WDFY3: variants seen among roughly 807,000 people sequenced by gnomAD.
The protein encoded by WDFY3 is WD repeat and FYVE domain containing 3.
In WDFY3, 66 loss-of-function variants were observed where a neutral mutation model predicts 409.6. The ratio of observed to expected loss-of-function variants is 0.16; its 90% CI spans 0.13 to 0.20. The LOEUF (loss-of-function observed/expected upper bound fraction) is 0.20. Ranked by LOEUF, WDFY3 falls within the 10% of genes least tolerant of loss-of-function variation. The probability of loss-of-function intolerance (pLI) is 1.00; values close to 1 mark genes in which losing one functional copy is unlikely to be tolerated. For missense variants in WDFY3, 3,031 were observed against 4,298.1 expected (o/e 0.71, Z 8.24); for synonymous variants, 1,521 against 1,537.1 (o/e 0.99, Z 0.25).
intron 32 of WDFY3, among the ~76,000 whole-genome samples, chr4:84,762,683 A>G (rs969296630): frequency 3.3e-5 from 5 of 152,292 alleles, no homozygotes; most frequent in Non-Finnish European, 7.4e-5. Flanking sequence ...TCTCCATTTT[A>G]GAGTCTGTAA....
At chr4:84,738,006 C>A (rs933339666) in intron 40 of WDFY3, among the ~76,000 whole-genome samples, 2 of 152,122 alleles carry the variant, frequency 1.3e-5, no homozygotes, top group Non-Finnish European at 2.9e-5. Flanking sequence ...TGAGAACCAA[C>A]GCCACTTCCT....
chr4:84,792,814 C>T (rs1012597577), intron 21 of WDFY3, among the ~76,000 whole-genome samples: 6 of 152,184 alleles, frequency 3.9e-5, no homozygotes, highest in East Asian at 1.9e-4. Context: ...TCACTTTTCT[C>T]GTTGTTTCTT....
Position 84,753,749 on chromosome 4 carries a change from C to T in WDFY3, c.5687G>A (p.Cys1896Tyr), listed in dbSNP as rs370544166. The T allele has an allele frequency of 1.6e-4, 265 of 1,608,984 alleles. No homozygotes were observed. The highest frequency in any genetic ancestry group is 2.0e-4 in the Non-Finnish European group (241 of 1,178,006). ...GGGGAAGACGGTGGCTGCTAATGCA[C>T]ACAGGAAGTCAGGGCTCATCCACAT... is the stretch of plus-strand genomic sequence containing the variant. ...ASMWMSPDFL[C>Y]ALAATVFPFN... is the part of the protein sequence containing the mutation. The change falls in exon 35 of 68, where the codon TGT becomes TAT. Residue 1896 changes from cysteine (C) to tyrosine (Y), a missense_variant. By Grantham distance (194) the Cys-to-Tyr change is radical. Around this residue, in one of 16 missense-constraint regions of WDFY3, gnomAD observed 342 missense variants for 463.7 expected, o/e 0.74. Coordinates refer to ENST00000295888, the MANE Select transcript of WDFY3 (RefSeq NM_014991.6).
At chr4:84,869,122 G>A (rs142636086) in intron 3 of WDFY3, among the ~76,000 whole-genome samples, 1 of 152,182 alleles carries the variant, frequency 6.6e-6, no homozygotes, top group Non-Finnish European at 1.5e-5. Flanking sequence ...CAGGGAGAGT[G>A]AGCTCAGGAA....
At position 84,828,099 on chromosome 4, in the gene WDFY3, A is replaced by G. The variant is rs567063126; in HGVS notation, c.956+905T>C. On this transcript the variant is annotated intron_variant, in intron 9 of 67. Coordinates refer to ENST00000295888, the MANE Select transcript of WDFY3 (RefSeq NM_014991.6). Reference sequence around the variant, plus strand: ...AGAGGGAGGGAGGGAGGGAGGGAGGAAGGGAGGAAGGAAGGGAGGGAGACA... The same window carrying G: ...AGAGGGAGGGAGGGAGGGAGGGAGGGAGGGAGGAAGGAAGGGAGGGAGACA... 6.4e-3 allele frequency among the ~76,000 whole-genome samples: 956 copies of G among 150,488 alleles called. 12 individuals are homozygous for G. The highest frequency in any genetic ancestry group is 0.022 in the African/African-American group (908 of 40,586).
At chr4:84,784,865 TATATATATATATATATATATATATATAC>T in intron 24 of WDFY3, among the ~76,000 whole-genome samples, 1 of 30,088 alleles carries the variant, frequency 3.3e-5, no homozygotes, top group East Asian at 7.4e-4. Flanking sequence ...TATGTATATA[TATATATATATATATATATATATATATAC>T]ACACACACAC....
intron 32 of WDFY3, among the ~76,000 whole-genome samples, chr4:84,762,065 G>A (rs1484699168): frequency 3.9e-5 from 6 of 152,114 alleles, no homozygotes; most frequent in Non-Finnish European, 7.4e-5. Flanking sequence ...TGATTCCTCA[G>A]GGATCTAGAA....
chr4:84,880,674 C>CATATATATATATATATATATATAT (rs61351182), intron 3 of WDFY3, among the ~76,000 whole-genome samples: 1 of 50,356 alleles, frequency 2.0e-5, no homozygotes, highest in African/African-American at 8.9e-5. Context: ...GGGAACCATA[C>CATATATATATATATATATATATAT]ATATATATAT....
At chr4:84,961,757 A>C (rs1214071095) in intron 1 of WDFY3, among the ~76,000 whole-genome samples, 1 of 152,210 alleles carries the variant, frequency 6.6e-6, no homozygotes, top group Non-Finnish European at 1.5e-5. Flanking sequence ...CTACACATAT[A>C]ATAAATGGCT....
Position 84,789,926 on chromosome 4 carries a change from G to A in WDFY3, c.3488-19C>T. On this transcript the variant is annotated intron_variant, in intron 21 of 67. Coordinates refer to ENST00000295888, the MANE Select transcript of WDFY3 (RefSeq NM_014991.6). ...TCATCAACTGAAATAAAGGGGGGAA[G>A]ACATAAAAACTTTTTCCAACACCAT... is the stretch of plus-strand genomic sequence containing the variant. The A allele has an allele frequency of 6.2e-7, 1 of 1,612,742 alleles. No individual in the cohort carries two copies. The highest frequency in any genetic ancestry group is 8.5e-7 in the Non-Finnish European group (1 of 1,179,290).
At chr4:84,814,472 C>T (rs1168073175) in intron 13 of WDFY3, among the ~76,000 whole-genome samples, 1 of 152,098 alleles carries the variant, frequency 6.6e-6, no homozygotes, top group Non-Finnish European at 1.5e-5. Context: ...ATGAAAAATA[C>T]CAGAAACAAC....
intron 51 of WDFY3, among the ~76,000 whole-genome samples, chr4:84,711,111 C>A (rs749126075): frequency 1.1e-4 from 16 of 152,036 alleles, no homozygotes; most frequent in Admixed American, 2.6e-4. Flanking sequence ...AATTTACAGC[C>A]CCAAAGCACT....
chr4:84,752,103 G>A (rs1422436896), intron 35 of WDFY3, among the ~76,000 whole-genome samples: 2 of 152,122 alleles, frequency 1.3e-5, no homozygotes, highest in African/African-American at 4.8e-5. Context: ...ATGGTAGCAT[G>A]TAAGGGGTGA....
intron 50 of WDFY3, among the ~76,000 whole-genome samples, chr4:84,714,842 CG>C (rs1403081808): frequency 6.6e-5 from 10 of 150,836 alleles, no homozygotes; most frequent in South Asian, 4.2e-4. Context: ...TCCAGCTACT[CG>C]GGAGGCTGAG....
chr4:84,801,936 A>C (rs1353052186), intron 16 of WDFY3, 72 bp from the exon 17 acceptor site: 5 of 1,459,572 alleles, frequency 3.4e-6, no homozygotes, highest in Non-Finnish European at 4.7e-6. Context: ...TTTCACATGA[A>C]GCATACCTTT....
At chr4:84,924,154 T>C (rs1330948254) in intron 2 of WDFY3, among the ~76,000 whole-genome samples, 1 of 152,224 alleles carries the variant, frequency 6.6e-6, no homozygotes, top group African/African-American at 2.4e-5. Flanking sequence ...ATCTTTTTTC[T>C]ATACAAAAAA....
At chr4:84,752,552 G>A (rs1304030667) in intron 35 of WDFY3, among the ~76,000 whole-genome samples, 1 of 150,404 alleles carries the variant, frequency 6.6e-6, no homozygotes, top group Admixed American at 6.6e-5. Flanking sequence ...AAAAGATGCT[G>A]ACAAGGAAAA....
intron 2 of WDFY3, among the ~76,000 whole-genome samples, chr4:84,915,798 A>G (rs1768402846): frequency 1.3e-5 from 2 of 152,178 alleles, no homozygotes; most frequent in African/African-American, 4.8e-5. Flanking sequence ...ACAGACCTCA[A>G]TTAACAGGAA....
chr4:84,890,183 T>G (rs1339721826), intron 3 of WDFY3, among the ~76,000 whole-genome samples: 1 of 152,136 alleles, frequency 6.6e-6, no homozygotes, highest in Non-Finnish European at 1.5e-5. Flanking sequence ...CACTTCATCC[T>G]CAATCTTCCA....
Sources: allele counts gnomAD v4.1 joint callset (sites outside exome capture counted in the v4.1 genomes callset), GRCh38; gene constraint gnomAD v4.1.1; regional missense constraint gnomAD v4.1.1; transcripts MANE v1.5; gene names NCBI Gene and HGNC (gene_info 2026-07-23, HGNC 2026-07-21).